Variants in IGSF10 observed in about 807,000 individuals in gnomAD.
The protein encoded by IGSF10 is calvaria mechanical force protein 608.
A neutral mutation model predicts 128.2 loss-of-function variants in IGSF10; 126 were observed. The ratio of observed to expected loss-of-function variants is 0.98; its 90% confidence interval spans 0.85 to 1.14. IGSF10 has a LOEUF of 1.14. IGSF10 is among the 50% of genes most tolerant of loss of function. The probability of loss-of-function intolerance (pLI) is 0.00; values close to 1 mark genes in which losing one functional copy is unlikely to be tolerated. For synonymous variants in IGSF10, 1,185 were observed against 1,146.2 expected (o/e 1.03, Z -0.68); for missense variants, 3,295 against 3,149.8 (o/e 1.05, Z -1.10).
At chr3:151,572,584 T>TA in the IGSF10 span, among the ~76,000 whole-genome samples, 1 of 152,256 alleles carries the variant, frequency 6.6e-6, no homozygotes, top group African/African-American at 2.4e-5. Flanking sequence ...TATCATTTTT[T>TA]ATCGCATCTA....
downstream of IGSF10, chr3:151,434,260 ATTTTC>A (rs1719845346): frequency 6.6e-6 from 1 of 152,134 alleles, no homozygotes; most frequent in Non-Finnish European, 1.5e-5. Context: ...TTTAGTAGAC[ATTTTC>A]TTTTGCAAAT....
the IGSF10 span, among the ~76,000 whole-genome samples, chr3:151,466,671 TG>T: frequency 6.6e-6 from 1 of 152,130 alleles, no homozygotes; most frequent in Non-Finnish European, 1.5e-5. Context: ...CTCCACCTCC[TG>T]GGTTCAAATG....
At chr3:151,555,199 G>A in the IGSF10 span, among the ~76,000 whole-genome samples, 4 of 152,114 alleles carry the variant, frequency 2.6e-5, no homozygotes, top group Admixed American at 1.3e-4. Context: ...CTGCAAAAAC[G>A]AAAAATGTAT....
chr3:151,492,737 A>C, the IGSF10 span, among the ~76,000 whole-genome samples: 2 of 47,326 alleles, frequency 4.2e-5, no homozygotes, highest in African/African-American at 1.3e-4. Context: ...ATTCTCAAAA[A>C]AATTAAAGCA....
At position 151,438,066 on chromosome 3, in the gene IGSF10, G is replaced by T. The variant is rs778916949; in HGVS notation, c.6495C>A (p.Val2165=). The change falls in exon 8 of 8, where the codon GTC becomes GTA. Residue 2165 remains valine, a synonymous_variant. Transcript: ENST00000282466. ...AGDTAVLDCE[V]TGDPKPKIFW... is the part of the protein sequence containing the mutation. ...ATATTTTTGGTTTGGGATCCCCAGT[G>T]ACCTCACAGTCAAGGACAGCTGTGT... 3.7e-6 allele frequency: 6 copies of T among 1,614,194 alleles called. No homozygotes were observed. The highest frequency in any genetic ancestry group is 4.2e-6 in the Non-Finnish European group (5 of 1,180,026).
At chr3:151,617,820 T>C in the IGSF10 span, among the ~76,000 whole-genome samples, 4 of 152,110 alleles carry the variant, frequency 2.6e-5, no homozygotes, top group Admixed American at 2.6e-4. Flanking sequence ...TCTGCCCTCA[T>C]GAATGGATAA....
At chr3:151,480,984 G>T in the IGSF10 span, among the ~76,000 whole-genome samples, 1 of 152,106 alleles carries the variant, frequency 6.6e-6, no homozygotes, top group East Asian at 1.9e-4. Flanking sequence ...CCTGCACAAG[G>T]AATTATTGGT....
chr3:151,493,840 GT>G, the IGSF10 span, among the ~76,000 whole-genome samples: 1 of 109,570 alleles, frequency 9.1e-6, no homozygotes, highest in South Asian at 3.2e-4. Flanking sequence ...TTTGTTTTTG[GT>G]TTTTGTTTAA....
intron 5 of IGSF10, among the ~76,000 whole-genome samples, chr3:151,449,525 AT>A (rs1198954474): frequency 6.6e-6 from 1 of 152,166 alleles, no homozygotes; most frequent in African/African-American, 2.4e-5. Flanking sequence ...CAAATGCCTG[AT>A]ATATATTTGG....
the IGSF10 span, among the ~76,000 whole-genome samples, chr3:151,495,485 C>T: frequency 6.6e-6 from 1 of 151,898 alleles, no homozygotes; most frequent in African/African-American, 2.4e-5. Context: ...AGAATTTGGG[C>T]TAAAACACCA....
chr3:151,567,999 T>C, the IGSF10 span, among the ~76,000 whole-genome samples: 3 of 152,110 alleles, frequency 2.0e-5, no homozygotes, highest in Non-Finnish European at 4.4e-5. Flanking sequence ...CAAACCCCAG[T>C]ACATTTTAAA....
At chr3:151,547,051 G>A in the IGSF10 span, among the ~76,000 whole-genome samples, 1 of 152,174 alleles carries the variant, frequency 6.6e-6, no homozygotes, top group African/African-American at 2.4e-5. Flanking sequence ...GGGATTACAG[G>A]CGTGAACCAC....
chr3:151,473,422 A>G, the IGSF10 span, among the ~76,000 whole-genome samples: 1 of 152,322 alleles, frequency 6.6e-6, no homozygotes, highest in South Asian at 2.1e-4. Flanking sequence ...TCAATCGATA[A>G]CTTGATCATT....
chr3:151,496,683 G>A, the IGSF10 span, among the ~76,000 whole-genome samples: 1 of 151,332 alleles, frequency 6.6e-6, no homozygotes, highest in Admixed American at 6.6e-5. Context: ...TAATACTTTG[G>A]GTATATATCC....
At position 151,453,512 on chromosome 3, in the gene IGSF10, A is replaced by C; in HGVS notation, c.587T>G (p.Phe196Cys). Residue 196 changes from phenylalanine (F) to cysteine (C), a missense_variant, in exon 5 of 8, where the codon TTC becomes TGC. By Grantham distance (205) the Phe-to-Cys change is radical. Transcript: ENST00000282466. ...FIKFLYLSDNFLTSLPQEMVS... is the reference protein window; with the variant it reads ...FIKFLYLSDNCLTSLPQEMVS... ...CATCTCTTGAGGGAGGGAGGTCAGG[A>C]AGTTATCAGACAAGTATAGGAACTT... 1 of 1,614,126 alleles carries C rather than the reference A, an allele frequency of 6.2e-7. No individual in the cohort carries two copies. The highest frequency in any genetic ancestry group is 8.5e-7 in the Non-Finnish European group (1 of 1,179,994).
the IGSF10 span, chr3:151,476,200 A>G: frequency 2.6e-5 from 4 of 152,174 alleles, no homozygotes; most frequent in African/African-American, 9.7e-5. Context: ...AAAGTGGTAT[A>G]AAAATATGTT....
At chr3:151,507,107 T>C in the IGSF10 span, among the ~76,000 whole-genome samples, 1 of 152,226 alleles carries the variant, frequency 6.6e-6, no homozygotes, top group Admixed American at 6.5e-5. Context: ...ATGTTCTTAG[T>C]GCCTAGACCA....
intron 7 of IGSF10, among the ~76,000 whole-genome samples, chr3:151,439,111 C>G (rs1560172170): frequency 6.6e-6 from 1 of 152,036 alleles, no homozygotes; most frequent in Non-Finnish European, 1.5e-5. Context: ...TAAAAAAAAT[C>G]TTAATGAAGA....
At chr3:151,592,078 C>T in the IGSF10 span, among the ~76,000 whole-genome samples, 1 of 152,114 alleles carries the variant, frequency 6.6e-6, no homozygotes, top group Non-Finnish European at 1.5e-5. Flanking sequence ...AAAGCATGAA[C>T]TCTGGAGACT....
Sources: gnomAD v4.1 joint callset for allele counts (sites outside exome capture counted in the v4.1 genomes callset) on GRCh38, gnomAD v4.1.1 for gene constraint, MANE v1.5 for transcripts, NCBI Gene and HGNC (gene_info 2026-07-23, HGNC 2026-07-21) for gene names.